The following CDH22 variants were observed in gnomAD, a reference collection of about 807,000 sequenced individuals.
CDH22 encodes cadherin-22.
CDH22 carries 30 observed loss-of-function variants against 58.4 expected under a neutral mutation model. The observed-to-expected ratio is 0.51, with a 90% CI of 0.38 to 0.70. CDH22 has a LOEUF of 0.70. Ranked by LOEUF, CDH22 falls within the 30% of genes least tolerant of loss-of-function variation. The pLI, the probability that CDH22 is intolerant of heterozygous loss-of-function variation, is 0.00. For synonymous variants in CDH22, 513 were observed against 558.2 expected (o/e 0.92, Z 1.14); for missense variants, 1,014 against 1,233.9 (o/e 0.82, Z 2.67).
chr20:46,249,143 A>T (rs2086351944), intron 2 of CDH22, among the ~76,000 whole-genome samples: 1 of 152,006 alleles, frequency 6.6e-6, no homozygotes, highest in South Asian at 2.1e-4. Flanking sequence ...TTGGGGCAGT[A>T]AAGTAACTTG....
chr20:46,217,061 A>C (rs933956505), intron 4 of CDH22, 68 bp from the exon 5 acceptor site: 2 of 1,489,294 alleles, frequency 1.3e-6, no homozygotes, highest in African/African-American at 2.8e-5. Flanking sequence ...AGACCCCTGT[A>C]CAGGCGGGAT....
intron 10 of CDH22, among the ~76,000 whole-genome samples, chr20:46,181,620 C>T (rs1361003525): frequency 7.0e-6 from 1 of 143,398 alleles, no homozygotes; most frequent in African/African-American, 2.6e-5. Context: ...TCCCTCCCTC[C>T]CTCCCTCCCT....
At chr20:46,203,924 G>T (rs1459972256) in intron 7 of CDH22, among the ~76,000 whole-genome samples, 2 of 152,144 alleles carry the variant, frequency 1.3e-5, no homozygotes, top group East Asian at 3.9e-4. Flanking sequence ...GGGGAATAGG[G>T]AGAGAATATG....
chr20:46,269,927 C>T (rs2086479042), intron 1 of CDH22, among the ~76,000 whole-genome samples: 2 of 152,178 alleles, frequency 1.3e-5, no homozygotes, highest in East Asian at 3.8e-4. Context: ...ATCTCCAAAC[C>T]CCAGAGCCTC....
intron 3 of CDH22, among the ~76,000 whole-genome samples, chr20:46,229,735 A>C (rs371035827): frequency 6.6e-6 from 1 of 152,178 alleles, no homozygotes. Flanking sequence ...CCTCCCTCAC[A>C]GAGGTGCTGA....
Position 46,213,153 on chromosome 20 carries a change from T to C in CDH22, c.874A>G (p.Ile292Val), listed in dbSNP as rs1200473376. Residue 292 changes from isoleucine (I) to valine (V), a missense_variant, in exon 6 of 12, where the codon ATT becomes GTT. This residue lies in a region of CDH22 where 806 missense variants were observed against 1,038.7 expected (regional missense o/e 0.78). Transcript: ENST00000537909. ...TTCACACGTCCCACAGCCGTTCCAA[T>C]GGGGGCTGACTCCTGGATGCTGAAC... ...YQFSIQESAP[I>V]GTAVGRVKAE... 6.2e-7 allele frequency: 1 copy of C among 1,614,150 alleles called. No individual in the cohort carries two copies. Among genetic ancestry groups the C allele is most frequent in the South Asian group, 1.1e-5 (1 of 91,084 alleles).
At chr20:46,214,459 C>G (rs76770182) in intron 5 of CDH22, among the ~76,000 whole-genome samples, 1 of 152,180 alleles carries the variant, frequency 6.6e-6, no homozygotes, top group African/African-American at 2.4e-5. Flanking sequence ...ACATGCCACT[C>G]CCCTGCTTTA....
intron 7 of CDH22, among the ~76,000 whole-genome samples, chr20:46,208,671 T>A (rs1402029946): frequency 6.6e-6 from 1 of 152,346 alleles, no homozygotes; most frequent in East Asian, 1.9e-4. Flanking sequence ...CTCGGCTCAC[T>A]GCAACCCCTG....
chr20:46,304,662 G>A (rs897677639), intron 1 of CDH22, among the ~76,000 whole-genome samples: 11 of 152,308 alleles, frequency 7.2e-5, no homozygotes, highest in Non-Finnish European at 1.6e-4. Context: ...GGGAAATGTG[G>A]GGGAAGAAGG....
At chr20:46,247,342 G>C (rs921821705) in intron 2 of CDH22, among the ~76,000 whole-genome samples, 1 of 129,022 alleles carries the variant, frequency 7.8e-6, no homozygotes, top group Non-Finnish European at 1.8e-5. Context: ...CTGAGGCACA[G>C]AGAGGGTAAA....
In CDH22 at chr20:46,174,688, C is replaced by T; in HGVS notation, c.2305G>A (p.Ala769Thr). Residue 769 changes from alanine to threonine, a missense_variant, in exon 12 of 12, where the codon GCC becomes ACC. Physicochemically the swap from Ala to Thr is moderately conservative, Grantham distance 58. This residue lies in a region of CDH22 where 208 missense variants were observed against 195.2 expected (regional missense o/e 1.07). Coordinates refer to ENST00000537909, the MANE Select transcript of CDH22 (RefSeq NM_021248.3). This position sits in a 1 kb window ranked among gnomAD's most constrained non-coding sequence, Gnocchi z 4.4. Reference protein sequence around the residue: ...DGDLSVPPYDAFQTYAFEGAD... With the variant: ...DGDLSVPPYDTFQTYAFEGAD... ...CCCTCGAAGGCGTAGGTCTGGAAGG[C>T]GTCGTAGGGCGGCACCGACAGGTCC... The T allele has an allele frequency of 1.3e-6, 2 of 1,558,784 alleles. No homozygotes were observed. The highest frequency in any genetic ancestry group is 8.6e-7 in the Non-Finnish European group (1 of 1,159,856).
chr20:46,245,846 C>T (rs956388911), intron 2 of CDH22, among the ~76,000 whole-genome samples: 2 of 152,142 alleles, frequency 1.3e-5, no homozygotes, highest in Non-Finnish European at 2.9e-5. Context: ...TCAGAGCTTA[C>T]TCTCTCCCCG....
intron 8 of CDH22, among the ~76,000 whole-genome samples, chr20:46,194,532 C>T (rs945406744): frequency 6.6e-6 from 1 of 152,190 alleles, no homozygotes; most frequent in South Asian, 2.1e-4. Flanking sequence ...TGGAGCCCAT[C>T]ATCTCTGACA....
chr20:46,181,740 C>CTTTCTTTCT (rs1568649808), intron 10 of CDH22, among the ~76,000 whole-genome samples: 1 of 38,708 alleles, frequency 2.6e-5, no homozygotes, highest in Non-Finnish European at 5.7e-5. Context: ...TCCTTCCTTC[C>CTTTCTTTCT]TTCCTTCCTT....
At chr20:46,196,422 C>T (rs1028931026) in intron 8 of CDH22, among the ~76,000 whole-genome samples, 25 of 152,122 alleles carry the variant, frequency 1.6e-4, no homozygotes, top group Admixed American at 1.4e-3. Flanking sequence ...TATATGCACA[C>T]GCCACCATGC....
intron 10 of CDH22, among the ~76,000 whole-genome samples, chr20:46,180,543 C>G (rs1388043097): frequency 6.6e-6 from 1 of 152,124 alleles, no homozygotes; most frequent in Non-Finnish European, 1.5e-5. Flanking sequence ...CCCATTTGTA[C>G]TGAATGGATT....
At chr20:46,181,716 TTTCCTTCC>T (rs768698552) in intron 10 of CDH22, among the ~76,000 whole-genome samples, 1 of 44,336 alleles carries the variant, frequency 2.3e-5, no homozygotes, top group Admixed American at 2.5e-4. Flanking sequence ...TCTTTCTTTT[TTTCCTTCC>T]TTCCTTCCTT....
intron 7 of CDH22, among the ~76,000 whole-genome samples, chr20:46,202,059 A>G (rs2085965245): frequency 6.6e-6 from 1 of 152,166 alleles, no homozygotes; most frequent in Non-Finnish European, 1.5e-5. Context: ...ACAGATGAAG[A>G]CACTGAGGTC....
At chr20:46,269,610 G>A (rs1246034598) in intron 1 of CDH22, among the ~76,000 whole-genome samples, 1 of 152,170 alleles carries the variant, frequency 6.6e-6, no homozygotes, top group Non-Finnish European at 1.5e-5. Context: ...GCCATGCTCC[G>A]AACCAGGGGC....
Sources: allele counts gnomAD v4.1 joint callset (sites outside exome capture counted in the v4.1 genomes callset), GRCh38; gene constraint gnomAD v4.1.1; regional missense constraint gnomAD v4.1.1; non-coding constraint Gnocchi (gnomAD v3.1); transcripts MANE v1.5; gene names NCBI Gene and HGNC (gene_info 2026-07-23, HGNC 2026-07-21).